Variants in USP32 observed in about 807,000 individuals in gnomAD.
USP32 encodes ubiquitin specific peptidase 32, also known as ubiquitin carboxyl-terminal hydrolase 32.
In USP32, 59 loss-of-function variants were observed where a neutral mutation model predicts 204.8. The ratio of observed to expected loss-of-function variants is 0.29; its 90% CI spans 0.23 to 0.36. USP32 has a LOEUF of 0.36. Among genes scored for constraint, USP32 ranks in the 10% least tolerant of loss-of-function variants. The pLI, the probability that USP32 is intolerant of heterozygous loss-of-function variation, is 1.00. For missense variants in USP32, 1,160 were observed against 1,946.4 expected (o/e 0.60, Z 7.60); for synonymous variants, 517 against 678.4 (o/e 0.76, Z 3.70).
At chr17:60,355,066 G>A (rs1318827171) in intron 1 of USP32, among the ~76,000 whole-genome samples, 1 of 152,216 alleles carries the variant, frequency 6.6e-6, no homozygotes, top group South Asian at 2.1e-4. Flanking sequence ...ATAAAACTAT[G>A]ATACATTCTT....
At chr17:60,245,499 C>T (rs755463663) in intron 11 of USP32, 1 of 340,528 alleles carries the variant, frequency 2.9e-6, no homozygotes, top group East Asian at 8.5e-5. Context: ...TTTTTTGTTG[C>T]TGAACCTTCT....
At chr17:60,287,248 G>T (rs1486488519) in intron 5 of USP32, among the ~76,000 whole-genome samples, 3 of 152,190 alleles carry the variant, frequency 2.0e-5, no homozygotes, top group African/African-American at 4.8e-5. Context: ...ATTTTTAAAA[G>T]ATGGTTCTCT....
At chr17:60,348,591 A>T (rs535762183) in intron 1 of USP32, among the ~76,000 whole-genome samples, 55 of 152,258 alleles carry the variant, frequency 3.6e-4, no homozygotes, top group Non-Finnish European at 6.3e-4. Context: ...CCTAGGCAAC[A>T]TAGTGAGACC....
chr17:60,356,974 G>A (rs1341502925), intron 1 of USP32, among the ~76,000 whole-genome samples: 1 of 152,154 alleles, frequency 6.6e-6, no homozygotes, highest in Non-Finnish European at 1.5e-5. Context: ...AGATGAGATG[G>A]ATATTATAAA....
At chr17:60,291,743 T>C (rs2087282837) in intron 4 of USP32, among the ~76,000 whole-genome samples, 1 of 152,178 alleles carries the variant, frequency 6.6e-6, no homozygotes, top group Non-Finnish European at 1.5e-5. Context: ...CCATTTACAA[T>C]GTTGGTTTTA....
rs78785651 is a variant in USP32 at position 60,237,214 on chromosome 17, C to T, written c.1137-974G>A. Among the ~76,000 whole-genome samples, 1,220 of 151,848 alleles carry T rather than the reference C, an allele frequency of 8.0e-3. 22 individuals carry two copies. Among genetic ancestry groups the T allele is most frequent in the African/African-American group, 0.028 (1,147 of 41,382 alleles). On this transcript the variant is annotated intron_variant, in intron 11 of 33. Coordinates refer to ENST00000300896, the MANE Select transcript of USP32 (RefSeq NM_032582.4). Reference sequence around the variant, plus strand: ...GGAGTGCAGTGGTGCAATCTCAGCTCGCTGAAGCCTTGACCTCCTGGGCTC... The same window carrying T: ...GGAGTGCAGTGGTGCAATCTCAGCTTGCTGAAGCCTTGACCTCCTGGGCTC...
intron 1 of USP32, among the ~76,000 whole-genome samples, chr17:60,374,162 G>GGCTA (rs2089497095): frequency 6.6e-6 from 1 of 151,630 alleles, no homozygotes; most frequent in Non-Finnish European, 1.5e-5. Context: ...CTAGCCTCAG[G>GGCTA]GACAGAGTGA....
intron 12 of USP32, among the ~76,000 whole-genome samples, chr17:60,229,134 C>T (rs976441536): frequency 1.3e-5 from 2 of 152,008 alleles, no homozygotes; most frequent in Non-Finnish European, 2.9e-5. Context: ...TCACTATACC[C>T]TTGAACTCCT....
intron 2 of USP32, among the ~76,000 whole-genome samples, chr17:60,338,419 TA>T (rs1171841909): frequency 6.6e-6 from 1 of 151,262 alleles, no homozygotes; most frequent in African/African-American, 2.4e-5. Context: ...CTAAAGAAAA[TA>T]AAAACACTAG....
chr17:60,182,628 T>C (rs1410856356), intron 31 of USP32, among the ~76,000 whole-genome samples: 1 of 151,530 alleles, frequency 6.6e-6, no homozygotes, highest in South Asian at 2.1e-4. Flanking sequence ...CCAGGTGCAG[T>C]GGTGCATGCC....
At chr17:60,229,127 C>T (rs2085477758) in intron 12 of USP32, among the ~76,000 whole-genome samples, 1 of 151,996 alleles carries the variant, frequency 6.6e-6, no homozygotes, top group African/African-American at 2.4e-5. Context: ...CTATAGCTCA[C>T]TATACCCTTG....
intron 11 of USP32, among the ~76,000 whole-genome samples, chr17:60,246,387 GT>G (rs1377146003): frequency 6.6e-6 from 1 of 151,042 alleles, no homozygotes; most frequent in East Asian, 1.9e-4. Context: ...ATTTTATTGT[GT>G]ATGTGTGTGT....
At chr17:60,201,740 C>G (rs1017306132) in intron 26 of USP32, among the ~76,000 whole-genome samples, 16 of 151,370 alleles carry the variant, frequency 1.1e-4, no homozygotes, top group African/African-American at 3.9e-4. Flanking sequence ...CCCATTGCAA[C>G]CTCTGCCTCT....
chr17:60,316,323 T>A (rs1456927588), intron 2 of USP32: 1 of 155,508 alleles, frequency 6.4e-6, no homozygotes, highest in East Asian at 1.9e-4. Flanking sequence ...CCCCATGGGG[T>A]GAAAAGCTAC....
intron 26 of USP32, among the ~76,000 whole-genome samples, chr17:60,204,960 T>TC (rs991927990): frequency 1.1e-4 from 16 of 151,476 alleles, no homozygotes; most frequent in Admixed American, 9.2e-4. Flanking sequence ...AGAAGTCTTT[T>TC]TTTTTTTTTT....
chr17:60,251,757 CAT>C (rs1396822863), intron 11 of USP32, among the ~76,000 whole-genome samples: 4 of 151,914 alleles, frequency 2.6e-5, no homozygotes, highest in African/African-American at 9.7e-5. Context: ...TAAGCCAAGA[CAT>C]AGAGATTTTA....
At chr17:60,276,864 T>C (rs1231390736) in intron 5 of USP32, among the ~76,000 whole-genome samples, 1 of 151,838 alleles carries the variant, frequency 6.6e-6, no homozygotes, top group African/African-American at 2.4e-5. Context: ...TAAGTGTATG[T>C]GATCTGTTCA....
At chr17:60,224,669 G>C (rs1385170246) in intron 13 of USP32, among the ~76,000 whole-genome samples, 1 of 152,210 alleles carries the variant, frequency 6.6e-6, no homozygotes, top group Non-Finnish European at 1.5e-5. Context: ...TGTAGTCCCA[G>C]CTACCAGGTA....
At chr17:60,287,835 C>T (rs896975619) in intron 5 of USP32, among the ~76,000 whole-genome samples, 4 of 152,028 alleles carry the variant, frequency 2.6e-5, no homozygotes, top group Non-Finnish European at 5.9e-5. Context: ...TTTCTCAGGC[C>T]GGGCATGGTG....
Sources: allele counts gnomAD v4.1 joint callset (sites outside exome capture counted in the v4.1 genomes callset), GRCh38; gene constraint gnomAD v4.1.1; transcripts MANE v1.5; gene names NCBI Gene and HGNC (gene_info 2026-07-23, HGNC 2026-07-21).